Variants in ACBD5 observed in about 807,000 individuals in gnomAD.
ACBD5 encodes acyl-CoA-binding domain-containing protein 5.
A neutral mutation model predicts 71.8 loss-of-function variants in ACBD5; 40 were observed. That is an observed-to-expected ratio of 0.56 (90% CI 0.43 to 0.72). The LOEUF is 0.72. Among genes scored for constraint, ACBD5 ranks in the 30% least tolerant of loss-of-function variants. The pLI, the probability that ACBD5 is intolerant of heterozygous loss-of-function variation, is 0.00. For synonymous variants in ACBD5, 229 were observed against 218.6 expected, an observed-to-expected ratio of 1.05 and a Z score of -0.42; for missense variants, 559 against 644.5, an observed-to-expected ratio of 0.87 and a Z score of 1.44.
At chr10:27,237,643 G>C (rs1320934477) in intron 2 of ACBD5, among the ~76,000 whole-genome samples, 7 of 76,200 alleles carry the variant, frequency 9.2e-5, no homozygotes, top group Non-Finnish European at 2.1e-4. Flanking sequence ...TTTTTGAGTT[G>C]GAGTCTGGCT....
chr10:27,212,058 G>A (rs1448507802), intron 8 of ACBD5, among the ~76,000 whole-genome samples: 1 of 152,080 alleles, frequency 6.6e-6, no homozygotes, highest in Non-Finnish European at 1.5e-5. Context: ...GTTAACAGAG[G>A]CCAGCAAGGG....
intron 5 of ACBD5, among the ~76,000 whole-genome samples, chr10:27,221,117 C>A (rs1279689239): frequency 7.9e-6 from 1 of 126,174 alleles, no homozygotes; most frequent in Non-Finnish European, 1.7e-5. Context: ...TGGTGCAGGT[C>A]CACAATCCCT....
intron 3 of ACBD5, among the ~76,000 whole-genome samples, chr10:27,233,905 G>T (rs909207063): frequency 6.6e-6 from 1 of 152,118 alleles, no homozygotes; most frequent in Non-Finnish European, 1.5e-5. Context: ...TTAGCTAGGC[G>T]TGGTGGCGCA....
chr10:27,229,842 A>C (rs2063619324), intron 4 of ACBD5, among the ~76,000 whole-genome samples: 1 of 152,226 alleles, frequency 6.6e-6, no homozygotes, highest in Non-Finnish European at 1.5e-5. Context: ...ATACGCAATG[A>C]AATTTTTAAA....
chr10:27,186,650 A>G lies in ACBD5; in HGVS notation c.1494-3935T>C, dbSNP rs10764687. 0.058 allele frequency: 57,220 copies of G among 993,698 alleles called. 2,299 individuals carry two copies. The highest frequency in any genetic ancestry group is 0.17 in the African/African-American group (10,541 of 63,808). 61.6% of individuals were successfully genotyped at this position (993,698 alleles called of 1,614,324 possible). A position where few individuals can be genotyped will look rare whatever the true frequency, so the allele number is the denominator to read the frequency against. On this transcript the variant is annotated intron_variant, in intron 13 of 13. Transcript: ENST00000676511. ...GAAAGATCATTATTTAACCTAGTTC[A>G]ATGTGCTTTTAATGTACGTTACAGC...
rs1490450913 is a variant in ACBD5, at chr10:27,219,860, A to G, written c.491-3T>C. The G allele has an allele frequency of 6.2e-7, 1 of 1,613,588 alleles. No homozygotes were observed. Among genetic ancestry groups the G allele is most frequent in the Admixed American group, 1.7e-5 (1 of 60,008 alleles). Reference sequence around the variant, plus strand: ...AGAAGTGAGAACATTACCAAGATCTAAAACATGAAATGACCACTTACTCAC... The same window carrying G: ...AGAAGTGAGAACATTACCAAGATCTGAAACATGAAATGACCACTTACTCAC... On this transcript the variant is annotated splice_polypyrimidine_tract_variant and splice_region_variant and intron_variant, in intron 5 of 12. Coordinates refer to ENST00000396271, the MANE Select transcript of ACBD5 (RefSeq NM_145698.5).
intron 6 of ACBD5, 37 bp from the exon 7 acceptor site, chr10:27,218,220 AC>A (rs1564639338): frequency 6.7e-7 from 1 of 1,494,086 alleles, no homozygotes; most frequent in Non-Finnish European, 9.3e-7. Context: ...ATAAAAGTTC[AC>A]AGTAGGTCAC....
intron 5 of ACBD5, among the ~76,000 whole-genome samples, chr10:27,222,354 T>A (rs113315140): frequency 6.6e-6 from 1 of 150,872 alleles, no homozygotes; most frequent in African/African-American, 2.4e-5. Flanking sequence ...ATTCAACTCC[T>A]ACAAGTATGC....
intron 13 of ACBD5, chr10:27,186,795 A>G: frequency 2.2e-6 from 1 of 453,956 alleles, no homozygotes; most frequent in Non-Finnish European, 4.0e-6. Flanking sequence ...CTTTATGAAA[A>G]CTGAAGCATC....
At chr10:27,201,340 G>T (rs1477062167) in intron 12 of ACBD5, among the ~76,000 whole-genome samples, 2 of 152,192 alleles carry the variant, frequency 1.3e-5, no homozygotes, top group African/African-American at 4.8e-5. Context: ...CAAGAAGTCT[G>T]CAGGTATTGT....
intron 8 of ACBD5, among the ~76,000 whole-genome samples, chr10:27,212,706 C>T (rs1455273348): frequency 1.3e-5 from 2 of 151,584 alleles, no homozygotes; most frequent in Non-Finnish European, 2.9e-5. Context: ...AGCTACCATG[C>T]CTGGCTAAGT....
Position 27,199,921 on chromosome 10 carries a change from G to A in ACBD5, c.1566-2479C>T, listed in dbSNP as rs141369311. Among the ~76,000 whole-genome samples, 253 of 152,084 alleles carry A rather than the reference G, an allele frequency of 1.7e-3. 2 individuals are homozygous for A. Among genetic ancestry groups the A allele is most frequent in the African/African-American group, 5.8e-3 (239 of 41,484 alleles). On this transcript the variant is annotated intron_variant, in intron 12 of 12. Transcript: ENST00000396271. ...AGACAATAGCGTGAACCTGGGAGGC[G>A]GAGCTTGCAGTAAGCCAAGATTACG...
chr10:27,240,786 C>G lies in ACBD5; in HGVS notation c.-98G>C. On this transcript the variant is annotated 5_prime_UTR_variant, in exon 1 of 13. Transcript: ENST00000396271. This position sits in a 1 kb window ranked among gnomAD's most constrained non-coding sequence, Gnocchi z 4.1. ...GGAGCAGCCACACCCCCCATTCCGC[C>G]GGAGTCCGTCTGTCAGTCCGTGCCC... 1 of 1,527,134 alleles carries G rather than the reference C, an allele frequency of 6.5e-7. No individual in the cohort carries two copies. The highest frequency in any genetic ancestry group is 8.9e-7 in the Non-Finnish European group (1 of 1,127,154). 94.6% of individuals were successfully genotyped at this position (1,527,134 alleles called of 1,614,324 possible).
chr10:27,237,266 A>T (rs563891301), intron 2 of ACBD5, among the ~76,000 whole-genome samples: 1 of 152,354 alleles, frequency 6.6e-6, no homozygotes, highest in Admixed American at 6.5e-5. Context: ...TGTGTGTAAG[A>T]CACTCAAGTA....
intron 5 of ACBD5, chr10:27,220,537 T>C (rs902630411): frequency 2.0e-5 from 3 of 152,248 alleles, no homozygotes; most frequent in Admixed American, 1.3e-4. Context: ...AAAGATCACA[T>C]TTGTTACCAA....
rs769026739 is a variant in ACBD5 at position 27,196,261 on chromosome 10, T to C, written c.*1169A>G. 3 of 454,020 alleles carry C rather than the reference T, an allele frequency of 6.6e-6. No individual in the cohort carries two copies. Among genetic ancestry groups the C allele is most frequent in the South Asian group, 4.7e-5 (3 of 64,474 alleles). 28.1% of individuals were successfully genotyped at this position (454,020 alleles called of 1,614,324 possible). On this transcript the variant is annotated 3_prime_UTR_variant, in exon 13 of 13. Transcript: ENST00000396271. ...AGAAATCTTCAAAGCACAAGGTACATCTAAGTGAGCAGGAAGTTTTGGAAG... is the reference window on the plus strand; with the variant it reads ...AGAAATCTTCAAAGCACAAGGTACACCTAAGTGAGCAGGAAGTTTTGGAAG...
rs565257264 is a variant in ACBD5, at chr10:27,183,334, C to T, written c.1494-619G>A. 5.9e-5 allele frequency among the ~76,000 whole-genome samples: 9 copies of T among 152,178 alleles called. No individual in the cohort carries two copies. In the South Asian group the frequency reaches 1.9e-3, roughly 32 times the overall value. ...CTTGCTCTGTCACCAGGCTGCAGTG[C>T]ATGCAGTGGTGTGATCTCGGCTCAC... On this transcript the variant is annotated intron_variant, in intron 13 of 13. Transcript: ENST00000676511.
At chr10:27,216,034 C>G (rs574560678) in intron 7 of ACBD5, among the ~76,000 whole-genome samples, 1 of 152,118 alleles carries the variant, frequency 6.6e-6, no homozygotes, top group East Asian at 1.9e-4. Flanking sequence ...GCCAACACAC[C>G]TGGCTAATTT....
chr10:27,235,032 C>T, intron 3 of ACBD5, 60 bp downstream of exon 3: 2 of 1,506,232 alleles, frequency 1.3e-6, no homozygotes, highest in Non-Finnish European at 1.8e-6. Context: ...TAAGTAATAG[C>T]CATATGATAA....
Sources: allele counts gnomAD v4.1 joint callset (sites outside exome capture counted in the v4.1 genomes callset), GRCh38; gene constraint gnomAD v4.1.1; non-coding constraint Gnocchi (gnomAD v3.1); transcripts MANE v1.5; gene names NCBI Gene and HGNC (gene_info 2026-07-23, HGNC 2026-07-21).